Variants in ZNF550 observed in about 807,000 individuals in gnomAD.
The protein encoded by ZNF550 is zinc finger protein 550.
A neutral mutation model predicts 40.2 loss-of-function variants in ZNF550; 42 were observed. That is an observed-to-expected ratio of 1.05 (90% CI 0.82 to 1.35). The LOEUF (loss-of-function observed/expected upper bound fraction) is 1.35. Ranked by LOEUF, ZNF550 falls within the 40% of genes most tolerant of loss-of-function variation. ZNF550 has a pLI of 0.00. For missense variants in ZNF550, 549 were observed against 525.2 expected (o/e 1.05, Z -0.44); for synonymous variants, 223 against 198.6 (o/e 1.12, Z -1.03).
upstream of ZNF550, among the ~76,000 whole-genome samples, chr19:57,560,515 A>C (rs1445046920): frequency 6.6e-6 from 1 of 152,234 alleles, no homozygotes; most frequent in Non-Finnish European, 1.5e-5. Context: ...GAAAAAGTAC[A>C]CATTTTTGAG....
Position 57,556,373 on chromosome 19 carries a change from G to A in ZNF550, c.28-16C>T. 6.2e-7 allele frequency: 1 copy of A among 1,609,992 alleles called. No homozygotes were observed. Among genetic ancestry groups the A allele is most frequent in the Admixed American group, 1.7e-5 (1 of 59,452 alleles). On this transcript the variant is annotated splice_polypyrimidine_tract_variant and intron_variant, in intron 1 of 4. Coordinates refer to ENST00000457177, the Ensembl canonical transcript of ZNF550. The stretch of plus-strand genomic sequence containing the variant: ...TCACCAACATCTGGAAAGTCAAACA[G>A]AAGTAATGCTATTGGCCTTGTGTTG...
At chr19:57,560,487 A>G (rs2090159943), upstream of ZNF550, among the ~76,000 whole-genome samples, 1 of 152,234 alleles carries the variant, frequency 6.6e-6, no homozygotes, top group Admixed American at 6.5e-5. Flanking sequence ...GCCAAAGGCA[A>G]GAAGCTTTTA....
At chr19:57,551,972 C>T (rs532821253) in intron 3 of ZNF550, among the ~76,000 whole-genome samples, 1 of 152,326 alleles carries the variant, frequency 6.6e-6, no homozygotes, top group African/African-American at 2.4e-5. Context: ...CAGCATAATG[C>T]AGACAGTAAT....
chr19:57,555,858 C>G (rs1339763147), intron 2 of ZNF550: 1 of 274,708 alleles, frequency 3.6e-6, no homozygotes, highest in African/African-American at 2.3e-5. Flanking sequence ...GGAAGATATC[C>G]GAGGGGCACT....
intron 3 of ZNF550, among the ~76,000 whole-genome samples, chr19:57,549,173 A>G (rs2090050662): frequency 6.6e-6 from 1 of 152,226 alleles, no homozygotes; most frequent in South Asian, 2.1e-4. Context: ...GTATAACGGG[A>G]TTGTTTGTAA....
At chr19:57,552,962 A>G in intron 2 of ZNF550, 1 of 435,456 alleles carries the variant, frequency 2.3e-6, no homozygotes, top group Non-Finnish European at 4.1e-6. Context: ...CAGGATCTTT[A>G]GAAGGTAATT....
At chr19:57,552,807 G>T in intron 2 of ZNF550, 85 bp from the exon 3 acceptor site, 3 of 976,036 alleles carry the variant, frequency 3.1e-6, no homozygotes, top group Non-Finnish European at 4.6e-6. Context: ...TCATGACAGG[G>T]TCCAGACATG....
chr19:57,561,165 T>A (rs2090162642), upstream of ZNF550, among the ~76,000 whole-genome samples: 1 of 152,210 alleles, frequency 6.6e-6, no homozygotes, highest in Non-Finnish European at 1.5e-5. The surrounding 1 kb of genome is among the most constrained non-coding windows in gnomAD (Gnocchi z 4.9). Flanking sequence ...TTATTTGTTG[T>A]TCGAATTTTT....
chr19:57,544,008 T>C, intron 4 of ZNF550: 2 of 985,444 alleles, frequency 2.0e-6, no homozygotes, highest in Non-Finnish European at 2.4e-6. Context: ...TTCACAACTT[T>C]TACTGTAAGT....
intron 2 of ZNF550, 52 bp downstream of exon 2, chr19:57,556,179 G>T (rs1400854262): frequency 6.2e-7 from 1 of 1,612,454 alleles, no homozygotes; most frequent in African/African-American, 1.3e-5. Flanking sequence ...CTTTTTGCCT[G>T]GCCAAGAATC....
chr19:57,545,413 G>A (rs117868205), intron 4 of ZNF550, among the ~76,000 whole-genome samples: 2 of 152,084 alleles, frequency 1.3e-5, no homozygotes, highest in Non-Finnish European at 2.9e-5. Flanking sequence ...AAAATGCTGA[G>A]GGGGACCTAA....
At chr19:57,556,813 G>C in intron 1 of ZNF550, 1 of 174,658 alleles carries the variant, frequency 5.7e-6, no homozygotes, top group Non-Finnish European at 1.2e-5. Flanking sequence ...CTTCTGCCTT[G>C]AGATGCTGTT....
exon 4 of ZNF550, chr19:57,547,333 C>A: frequency 6.2e-7 from 1 of 1,613,948 alleles, no homozygotes; most frequent in Non-Finnish European, 8.5e-7. Flanking sequence ...CCTATTATGG[C>A]GAATAAAAGT....
intron 3 of ZNF550, among the ~76,000 whole-genome samples, chr19:57,550,228 G>C (rs1053341416): frequency 2.0e-5 from 3 of 152,152 alleles, no homozygotes; most frequent in African/African-American, 7.2e-5. Flanking sequence ...GTGGGGATGG[G>C]AAATGGTGCG....
At chr19:57,560,677 C>G (rs1176059522), upstream of ZNF550, among the ~76,000 whole-genome samples, 1 of 152,018 alleles carries the variant, frequency 6.6e-6, no homozygotes, top group Non-Finnish European at 1.5e-5. Flanking sequence ...GTGGGAATTT[C>G]TTAGAATTGG....
chr19:57,552,464 G>A (rs1404452147), intron 3 of ZNF550, 163 bp downstream of exon 3: 1 of 588,214 alleles, frequency 1.7e-6, no homozygotes, highest in South Asian at 2.3e-5. Context: ...GTGTGGCTCA[G>A]TGCTCACCTG....
At chr19:57,555,959 C>G in intron 2 of ZNF550, 2 of 417,116 alleles carry the variant, frequency 4.8e-6, no homozygotes, top group South Asian at 4.2e-5. Context: ...AGGGCTGTGG[C>G]CACAGCTGAC....
chr19:57,546,818 CAT>C (rs1464786492), exon 4 of ZNF550: 5 of 1,406,918 alleles, frequency 3.6e-6, no homozygotes, highest in Non-Finnish European at 4.6e-6. Flanking sequence ...AGTGACTGCT[CAT>C]GTGTTAGTTA....
exon 3 of ZNF550, chr19:57,552,630 C>G: frequency 6.3e-7 from 1 of 1,596,508 alleles, no homozygotes; most frequent in Non-Finnish European, 8.5e-7. Flanking sequence ...TGCTTACCTG[C>G]ACAGGTAGCA....
Sources: gnomAD v4.1 joint callset for allele counts (sites outside exome capture counted in the v4.1 genomes callset) on GRCh38, gnomAD v4.1.1 for gene constraint, Gnocchi (gnomAD v3.1) non-coding constraint, MANE v1.5 for transcripts, NCBI Gene and HGNC (gene_info 2026-07-23, HGNC 2026-07-21) for gene names.